The following CFAP144 variants were observed in gnomAD, a reference collection of about 807,000 sequenced individuals.
CFAP144 encodes cilia- and flagella-associated protein 144.
At chr1:43,155,133 T>C in the CFAP144 span, among the ~76,000 whole-genome samples, 11 of 152,148 alleles carry the variant, frequency 7.2e-5, no homozygotes, top group Non-Finnish European at 1.5e-4. Context: ...GGTTCCTGAG[T>C]AGAGTTCATT....
At chr1:43,145,078 C>T in the CFAP144 span, 4 of 607,038 alleles carry the variant, frequency 6.6e-6, no homozygotes, top group South Asian at 4.1e-5. Context: ...TCTCCATTCC[C>T]GTCTGGGCAA....
At chr1:43,154,215 A>T in the CFAP144 span, among the ~76,000 whole-genome samples, 2 of 120,902 alleles carry the variant, frequency 1.7e-5, no homozygotes, top group Non-Finnish European at 3.3e-5. Context: ...TATATAAATT[A>T]TTATATAAAT....
chr1:43,144,427 T>C, the CFAP144 span, among the ~76,000 whole-genome samples: 1 of 152,130 alleles, frequency 6.6e-6, no homozygotes, highest in East Asian at 1.9e-4. Flanking sequence ...TTGGACTCCT[T>C]TGGACAAGTA....
chr1:43,144,813 C>G, the CFAP144 span, among the ~76,000 whole-genome samples: 1 of 152,160 alleles, frequency 6.6e-6, no homozygotes, highest in South Asian at 2.1e-4. Context: ...CCCCTGTACT[C>G]TAGCTCCCAC....
At chr1:43,153,007 G>A in the CFAP144 span, 4 of 1,522,574 alleles carry the variant, frequency 2.6e-6, no homozygotes, top group Admixed American at 7.9e-5. Flanking sequence ...AATAGAGCAG[G>A]GGGCCAGACA....
chr1:43,145,113 CT>C, the CFAP144 span: 98 of 674,628 alleles, frequency 1.5e-4, no homozygotes, highest in Middle Eastern at 3.5e-4. Context: ...CAGAGATTTC[CT>C]TTTTTTTGAC....
the CFAP144 span, among the ~76,000 whole-genome samples, chr1:43,149,308 T>C: frequency 1.3e-5 from 2 of 152,360 alleles, no homozygotes; most frequent in East Asian, 3.9e-4. Context: ...AATACTTTGG[T>C]GCCTACTCTG....
chr1:43,145,199 C>T, the CFAP144 span: 10 of 1,460,772 alleles, frequency 6.8e-6, no homozygotes, highest in Admixed American at 5.9e-5. Flanking sequence ...GGCTTCTCCA[C>T]GGAACTTGGT....
the CFAP144 span, chr1:43,148,208 T>C: frequency 1.0e-6 from 1 of 983,934 alleles, no homozygotes; most frequent in Non-Finnish European, 1.5e-6. Context: ...ACCCGCCCCC[T>C]TTCCTAGATT....
the CFAP144 span, chr1:43,150,611 C>A: frequency 7.6e-6 from 5 of 654,064 alleles, no homozygotes; most frequent in Admixed American, 2.5e-5. Flanking sequence ...CTTATCCAAT[C>A]GTGCATTATC....
chr1:43,145,081 C>T, the CFAP144 span: 2 of 608,758 alleles, frequency 3.3e-6, no homozygotes, highest in Admixed American at 2.7e-5. Context: ...CCATTCCCGT[C>T]TGGGCAATCC....
chr1:43,148,030 G>A, the CFAP144 span: 3 of 1,613,900 alleles, frequency 1.9e-6, no homozygotes, highest in African/African-American at 2.7e-5. Flanking sequence ...GTACCTCAAG[G>A]AGCTACGAAC....
chr1:43,150,456 T>C, the CFAP144 span, among the ~76,000 whole-genome samples: 1,715 of 152,342 alleles, frequency 0.011, 33 homozygotes, highest in African/African-American at 0.039. Context: ...CTGCAGCTAT[T>C]GAGCACTTGA....
At chr1:43,146,604 T>G in the CFAP144 span, among the ~76,000 whole-genome samples, 8 of 152,230 alleles carry the variant, frequency 5.3e-5, no homozygotes, top group African/African-American at 7.2e-5. Context: ...ATTTGCAGCA[T>G]GTACAGCCCT....
the CFAP144 span, among the ~76,000 whole-genome samples, chr1:43,148,974 C>A: frequency 6.6e-6 from 1 of 152,154 alleles, no homozygotes; most frequent in African/African-American, 2.4e-5. Context: ...CTAAGTAGCA[C>A]CTCAAACAGC....
At chr1:43,145,317 C>G in the CFAP144 span, 2 of 1,542,310 alleles carry the variant, frequency 1.3e-6, no homozygotes, top group Non-Finnish European at 8.8e-7. Flanking sequence ...GTCGATCTGC[C>G]CTGCATTCAA....
At chr1:43,148,131 CGGGGAAGGAGGAGCCCTCCG>C in the CFAP144 span, 56 of 1,514,668 alleles carry the variant, frequency 3.7e-5, no homozygotes, top group Middle Eastern at 1.8e-4. Flanking sequence ...GGGAGGGCGC[CGGGGAAGGAGGAGCCCTCCG>C]GGTTGCGGGG....
chr1:43,143,133 A>G, the CFAP144 span, among the ~76,000 whole-genome samples: 1 of 152,174 alleles, frequency 6.6e-6, no homozygotes, highest in South Asian at 2.1e-4. Flanking sequence ...CACATGTAGG[A>G]GCAAGAGATT....
the CFAP144 span, chr1:43,152,728 T>C: frequency 2.4e-5 from 31 of 1,298,216 alleles, no homozygotes; most frequent in Non-Finnish European, 3.2e-5. Flanking sequence ...AAGGCACAGA[T>C]GCTCTGCCTG....
Sources: gnomAD v4.1 joint callset for allele counts (sites outside exome capture counted in the v4.1 genomes callset) on GRCh38, gnomAD v4.1.1 for gene constraint, MANE v1.5 for transcripts, NCBI Gene and HGNC (gene_info 2026-07-23, HGNC 2026-07-21) for gene names.